The following ABCF1 variants were observed in gnomAD, a reference collection of about 807,000 sequenced individuals.
ABCF1 encodes ATP-binding cassette sub-family F member 1.
In ABCF1, 73 loss-of-function variants were observed where a neutral mutation model predicts 126.3. The observed-to-expected ratio is 0.58, with a 90% CI of 0.48 to 0.70. ABCF1 has a LOEUF of 0.70. Among genes scored for constraint, ABCF1 ranks in the 30% least tolerant of loss-of-function variants. The probability of loss-of-function intolerance (pLI) is 0.00; values close to 1 mark genes in which losing one functional copy is unlikely to be tolerated. For missense variants in ABCF1, 786 were observed against 1,057.5 expected, an observed-to-expected ratio of 0.74 and a Z score of 3.56; for synonymous variants, 345 against 396.4, an observed-to-expected ratio of 0.87 and a Z score of 1.54.
chr6:30,583,137 G>T lies in ABCF1; in HGVS notation c.864G>T (p.Gln288His), dbSNP rs372699135. ...CTGAAAATGACTTCTCCGTGTCCCAGGCGGAGATGTCCTCCCGCCAAGCCA... is the reference window on the plus strand; with the variant it reads ...CTGAAAATGACTTCTCCGTGTCCCATGCGGAGATGTCCTCCCGCCAAGCCA... ...NAAENDFSVS[Q>H]AEMSSRQAML... The change falls in exon 10 of 25, where the codon CAG becomes CAT. Residue 288 changes from glutamine to histidine, a missense_variant. Around this residue, in one of 4 missense-constraint regions of ABCF1, gnomAD observed 163 missense variants for 255.3 expected, o/e 0.64. Transcript: ENST00000326195. The surrounding 1 kb of genome is among the most constrained non-coding windows in gnomAD (Gnocchi z 4.1). 1 of 1,611,440 alleles carries T rather than the reference G, an allele frequency of 6.2e-7. No homozygotes were observed. The highest frequency in any genetic ancestry group is 8.5e-7 in the Non-Finnish European group (1 of 1,178,730).
At chr6:30,577,303 A>G in intron 1 of ABCF1, 106 bp from the exon 2 acceptor site, 1 of 1,036,196 alleles carries the variant, frequency 9.7e-7, no homozygotes, top group South Asian at 1.6e-5. Flanking sequence ...TAGTTAAGCT[A>G]GAAAAATAAT....
rs1034013142 is a variant in ABCF1, at chr6:30,574,689, A to G, written c.74-2720A>G. 2.6e-5 allele frequency among the ~76,000 whole-genome samples: 4 copies of G among 151,824 alleles called. No individual in the cohort carries two copies. Among genetic ancestry groups the G allele is most frequent in the African/African-American group, 9.7e-5 (4 of 41,308 alleles). ...ACTAGTCACCCAATACTGGGCTCAG[A>G]TTTTTTTTCTTTAACTTTTTTGTTT... On this transcript the variant is annotated intron_variant, in intron 1 of 24. Coordinates refer to ENST00000326195, the MANE Select transcript of ABCF1 (RefSeq NM_001025091.2). This position sits in a 1 kb window ranked among gnomAD's most constrained non-coding sequence, Gnocchi z 4.3.
Position 30,586,123 on chromosome 6 carries a change from T to C in ABCF1, c.1714-11T>C. On this transcript the variant is annotated splice_polypyrimidine_tract_variant and intron_variant, in intron 17 of 24. Transcript: ENST00000326195. This position sits in a 1 kb window ranked among gnomAD's most constrained non-coding sequence, Gnocchi z 4.9. ...GGGCTCAGGTTTCTCTTTTTTCCTC[T>C]TCCTCTCCAGGAAAAACAAACGAAG... is the stretch of plus-strand genomic sequence containing the variant. 1 of 1,609,718 alleles carries C rather than the reference T, an allele frequency of 6.2e-7. No individual in the cohort carries two copies. The highest frequency in any genetic ancestry group is 8.5e-7 in the Non-Finnish European group (1 of 1,178,588).
In ABCF1 at chr6:30,580,473, A is replaced by G. The variant is rs1200169984; in HGVS notation, c.632A>G (p.Lys211Arg). The change falls in exon 8 of 25, where the codon AAG (lysine) becomes AGG (arginine). Residue 211 changes from lysine (K) to arginine (R), a missense_variant. Around this residue, in one of 4 missense-constraint regions of ABCF1, gnomAD observed 322 missense variants for 322.9 expected, o/e 1.00. Transcript: ENST00000326195. ...AAAGAAGAAGAAATTATAAAGGAAA[A>G]GGAGCCTCCCAAACAAGGGAAGGAG... ...EDKEEEIIKEKEPPKQGKEKA... is the reference protein window; with the variant it reads ...EDKEEEIIKEREPPKQGKEKA... 17 of 1,530,114 alleles carry G rather than the reference A, an allele frequency of 1.1e-5. No individual in the cohort carries two copies. The highest frequency in any genetic ancestry group is 1.4e-5 in the Non-Finnish European group (16 of 1,152,056). 94.8% of individuals were successfully genotyped at this position (1,530,114 alleles called of 1,614,324 possible).
Position 30,584,662 on chromosome 6 carries a change from C to T in ABCF1, c.1391+96C>T. On this transcript the variant is annotated intron_variant, in intron 14 of 24. Transcript: ENST00000326195. This position sits in a 1 kb window ranked among gnomAD's most constrained non-coding sequence, Gnocchi z 4.6. ...CATTCTTCCAAGGCCAATAGGGAGG[C>T]TCAAGGCTTACCTCTCCCTCCTTAC... 1 of 1,451,132 alleles carries T rather than the reference C, an allele frequency of 6.9e-7. No individual in the cohort carries two copies. Among genetic ancestry groups the T allele is most frequent in the Non-Finnish European group, 9.2e-7 (1 of 1,088,942 alleles). The allele number at this position is 1,451,132 out of a possible 1,614,324, so 89.9% of individuals were successfully genotyped here.
rs372113020 is a variant in ABCF1, at chr6:30,584,410, C to T, written c.1243-8C>T. ...CTCAGACGTGTGTCCTCTTCTCCCT[C>T]CTCCCAGGTGTATGAGGAATTGCGG... On this transcript the variant is annotated splice_region_variant and splice_polypyrimidine_tract_variant and intron_variant, in intron 13 of 24. Coordinates refer to ENST00000326195, the MANE Select transcript of ABCF1 (RefSeq NM_001025091.2). The surrounding 1 kb of genome is among the most constrained non-coding windows in gnomAD (Gnocchi z 4.6). The T allele has an allele frequency of 1.7e-4, 276 of 1,613,094 alleles. No homozygotes were observed. The African/African-American group carries it at 3.3e-3, about 19-fold the overall frequency.
In ABCF1 at chr6:30,590,792, T is replaced by G; in HGVS notation, c.*91T>G. Reference sequence around the variant, plus strand: ...CCTCCTCTGAAGACTGCCTCTGGCCTGCAGCTGACCTGGCAACCATTCAGG... The same window carrying G: ...CCTCCTCTGAAGACTGCCTCTGGCCGGCAGCTGACCTGGCAACCATTCAGG... On this transcript the variant is annotated 3_prime_UTR_variant, in exon 25 of 25. Coordinates refer to ENST00000326195, the MANE Select transcript of ABCF1 (RefSeq NM_001025091.2). 7.0e-7 allele frequency: 1 copy of G among 1,428,864 alleles called. No individual in the cohort carries two copies. Among genetic ancestry groups the G allele is most frequent in the Non-Finnish European group, 9.4e-7 (1 of 1,060,456 alleles). 88.5% of individuals were successfully genotyped at this position (1,428,864 alleles called of 1,614,324 possible).
chr6:30,573,490 C>T (rs1440928687), intron 1 of ABCF1, among the ~76,000 whole-genome samples: 1 of 152,122 alleles, frequency 6.6e-6, no homozygotes, highest in Non-Finnish European at 1.5e-5. Context: ...GAAGAGTCCC[C>T]TAGAGAGTGT....
At position 30,577,872 on chromosome 6, in the gene ABCF1, C is replaced by T; in HGVS notation, c.175C>T (p.Leu59Phe). 6.2e-7 allele frequency: 1 copy of T among 1,614,030 alleles called. No homozygotes were observed. The highest frequency in any genetic ancestry group is 8.5e-7 in the Non-Finnish European group (1 of 1,180,038). Reference sequence around the variant, plus strand: ...ACAGGCTGGGGAAGAAGAGAAAGTGCTCAAGGAGAAGGAGCAGCAGCAGCA... The same window carrying T: ...ACAGGCTGGGGAAGAAGAGAAAGTGTTCAAGGAGAAGGAGCAGCAGCAGCA... Reference protein sequence around the residue: ...DKQAGEEEKVLKEKEQQQQQQ... With the variant: ...DKQAGEEEKVFKEKEQQQQQQ... Residue 59 changes from leucine (L) to phenylalanine (F), a missense_variant, in exon 3 of 25, where the codon CTC becomes TTC. Leu to Phe is a conservative substitution (Grantham distance 22, BLOSUM62 0). Around this residue, in one of 4 missense-constraint regions of ABCF1, gnomAD observed 322 missense variants for 322.9 expected, o/e 1.00. Transcript: ENST00000326195.
rs1582566885 is a variant in ABCF1, at chr6:30,574,018, C to A, written c.73+2458C>A. Among the ~76,000 whole-genome samples, 1 of 152,300 alleles carries A rather than the reference C, an allele frequency of 6.6e-6. No individual in the cohort carries two copies. The highest frequency in any genetic ancestry group is 2.1e-4 in the South Asian group (1 of 4,830). ...AGAGAAGACACAGTATATCTCTAGC[C>A]ACACTTAATCTTTTTCAGTTCCTTG... On this transcript the variant is annotated intron_variant, in intron 1 of 24. Transcript: ENST00000326195. The surrounding 1 kb of genome is among the most constrained non-coding windows in gnomAD (Gnocchi z 4.3).
At position 30,580,401 on chromosome 6, in the gene ABCF1, A is replaced by G. The variant is rs771719350; in HGVS notation, c.565-5A>G. On this transcript the variant is annotated splice_region_variant and splice_polypyrimidine_tract_variant and intron_variant, in intron 7 of 24. Transcript: ENST00000326195. ...ATTTCATCAGACCTGTCTTTTCCCT[A>G]TTAGCCTCAAAATAAATTCGCTGCT... is the stretch of plus-strand genomic sequence containing the variant. 33 of 1,495,634 alleles carry G rather than the reference A, an allele frequency of 2.2e-5. No individual in the cohort carries two copies. The highest frequency in any genetic ancestry group is 2.7e-5 in the Non-Finnish European group (30 of 1,118,436). 92.6% of individuals were successfully genotyped at this position (1,495,634 alleles called of 1,614,324 possible). A position where few individuals can be genotyped will look rare whatever the true frequency, so the allele number is the denominator to read the frequency against.
chr6:30,575,094 C>CAG (rs370829193), intron 1 of ABCF1, among the ~76,000 whole-genome samples: 5,872 of 131,934 alleles, frequency 0.045, 239 homozygotes, highest in African/African-American at 0.11. Flanking sequence ...TTTTTTGAGA[C>CAG]AGTCTCGCTG....
chr6:30,580,753 A>G (rs2127409513), intron 8 of ABCF1, among the ~76,000 whole-genome samples: 1 of 152,238 alleles, frequency 6.6e-6, no homozygotes, highest in East Asian at 1.9e-4. Context: ...GGCTCACTGA[A>G]GCCTCAACCT....
chr6:30,580,505 A>C lies in ABCF1; in HGVS notation c.664A>C (p.Lys222Gln). Residue 222 changes from lysine to glutamine, a missense_variant, in exon 8 of 25, where the codon AAG becomes CAG. By Grantham distance (53) the Lys-to-Gln change is moderately conservative. This residue lies in a region of ABCF1 where 322 missense variants were observed against 322.9 expected (regional missense o/e 1.00). Coordinates refer to ENST00000326195, the MANE Select transcript of ABCF1 (RefSeq NM_001025091.2). ...TCCCAAACAAGGGAAGGAGAAGGCC[A>C]AGAAGGCAGAGCAGGTGTGTATTTG... ...EPPKQGKEKA[K>Q]KAEQGSEEEG... 6.6e-7 allele frequency: 1 copy of C among 1,521,262 alleles called. No homozygotes were observed. 94.2% of individuals were successfully genotyped at this position (1,521,262 alleles called of 1,614,324 possible). A position where few individuals can be genotyped will look rare whatever the true frequency, so the allele number is the denominator to read the frequency against.
rs780036454 is a variant in ABCF1 at position 30,590,732 on chromosome 6, A to G, written c.*31A>G. On this transcript the variant is annotated 3_prime_UTR_variant, in exon 25 of 25. Coordinates refer to ENST00000326195, the MANE Select transcript of ABCF1 (RefSeq NM_001025091.2). ...CCTTCCCAGAAGTCTCCCGAGAGAC[A>G]TATTTGTGTGGCCTAGAAGTCCTCT... The G allele has an allele frequency of 1.8e-5, 29 of 1,581,182 alleles. 1 individual carries two copies. The highest frequency in any genetic ancestry group is 1.3e-5 in the Non-Finnish European group (15 of 1,164,208).
intron 15 of ABCF1, 55 bp from the exon 16 acceptor site, chr6:30,585,503 G>A: frequency 6.2e-7 from 1 of 1,609,926 alleles, no homozygotes; most frequent in Non-Finnish European, 8.5e-7. Flanking sequence ...TGCTTCCTCT[G>A]AATTCTCTCT....
chr6:30,590,530 CA>C lies in ABCF1; in HGVS notation c.2372-2del. ...GCCCTCTGTTGTTGCTATCTTTCTTCAAAGCTGTGATCGTTGTCAGCCATGA... is the reference window on the plus strand; with the variant it reads ...GCCCTCTGTTGTTGCTATCTTTCTTCAAGCTGTGATCGTTGTCAGCCATGA... On this transcript the variant is annotated splice_region_variant and splice_polypyrimidine_tract_variant and intron_variant, in intron 24 of 24. Transcript: ENST00000326195. The C allele has an allele frequency of 6.2e-7, 1 of 1,607,228 alleles. No individual in the cohort carries two copies. Among genetic ancestry groups the C allele is most frequent in the Non-Finnish European group, 8.5e-7 (1 of 1,177,618 alleles).
Position 30,590,339 on chromosome 6 carries a change from A to G in ABCF1, c.2332A>G (p.Ile778Val), listed in dbSNP as rs866482755. Residue 778 changes from isoleucine to valine, a missense_variant, in exon 24 of 25, where the codon ATT becomes GTT. This residue lies in a region of ABCF1 where 288 missense variants were observed against 423.5 expected (regional missense o/e 0.68). Coordinates refer to ENST00000326195, the MANE Select transcript of ABCF1 (RefSeq NM_001025091.2). ...EPTNNLDIES[I>V]DALGEAINEY... The stretch of plus-strand genomic sequence containing the variant: ...AACCAATAACCTGGACATAGAGTCT[A>G]TTGATGCTCTAGGGGAGGCCATCAA... The G allele has an allele frequency of 3.7e-6, 6 of 1,611,908 alleles. No individual in the cohort carries two copies. In the African/African-American group the frequency reaches 4.0e-5, roughly 11 times the overall value.
chr6:30,588,774 G>C (rs1802285896), intron 20 of ABCF1, among the ~76,000 whole-genome samples: 1 of 152,004 alleles, frequency 6.6e-6, no homozygotes, highest in South Asian at 2.1e-4. Context: ...CATATCCAGA[G>C]ATTAGATCTT....
Sources: allele counts gnomAD v4.1 joint callset (sites outside exome capture counted in the v4.1 genomes callset), GRCh38; gene constraint gnomAD v4.1.1; regional missense constraint gnomAD v4.1.1; non-coding constraint Gnocchi (gnomAD v3.1); transcripts MANE v1.5; gene names NCBI Gene and HGNC (gene_info 2026-07-23, HGNC 2026-07-21).